The following GTPBP4 variants were observed in gnomAD, a reference collection of about 807,000 sequenced individuals.
The protein encoded by GTPBP4 is GTP binding protein 4, also known as GTP-binding protein 4.
Under a neutral mutation model 81.7 loss-of-function variants are expected in GTPBP4, and 15 were observed. The ratio of observed to expected loss-of-function variants is 0.18; its 90% CI spans 0.12 to 0.28. The LOEUF (loss-of-function observed/expected upper bound fraction) is 0.28, where lower values mean the gene tolerates loss of function less well. Among genes scored for constraint, GTPBP4 ranks in the 10% least tolerant of loss-of-function variants. GTPBP4 has a pLI of 1.00. For missense variants in GTPBP4, 847 were observed against 793.8 expected, an observed-to-expected ratio of 1.07 and a Z score of -0.81; for synonymous variants, 272 against 274.6, an observed-to-expected ratio of 0.99 and a Z score of 0.09.
At position 1,012,519 on chromosome 10, in the gene GTPBP4, G is replaced by A; in HGVS notation, c.1399G>A (p.Asp467Asn). 1 of 1,613,396 alleles carries A rather than the reference G, an allele frequency of 6.2e-7. No individual in the cohort carries two copies. The highest frequency in any genetic ancestry group is 8.5e-7 in the Non-Finnish European group (1 of 1,179,368). Reference sequence around the variant, plus strand: ...GCTGAGAACAGCTGCTGGAGAGTATGACAGTGTATCTGAGAGTGAAGACGA... The same window carrying A: ...GCTGAGAACAGCTGCTGGAGAGTATAACAGTGTATCTGAGAGTGAAGACGA... ...EELRTAAGEYDSVSESEDEEM... is the reference protein window; with the variant it reads ...EELRTAAGEYNSVSESEDEEM... Residue 467 changes from aspartate (D) to asparagine (N), a missense_variant, in exon 14 of 17, where the codon GAC (aspartate) becomes AAC (asparagine). Asp to Asn is a conservative substitution (Grantham distance 23). Transcript: ENST00000360803.
chr10:1,011,086 G>C (rs11253570), intron 13 of GTPBP4, among the ~76,000 whole-genome samples: 64 of 74,022 alleles, frequency 8.6e-4, no homozygotes, highest in East Asian at 1.5e-3. Flanking sequence ...CATCCTGACT[G>C]TGCCTCCTGC....
Position 1,019,507 on chromosome 10 carries a change from T to TC in GTPBP4, c.*2283dup, listed in dbSNP as rs762608638. On this transcript the variant is annotated 3_prime_UTR_variant, in exon 17 of 17. Coordinates refer to ENST00000360803, the MANE Select transcript of GTPBP4 (RefSeq NM_012341.3). ...GGCATTACACATGGCTGACTCGACC[T>TC]CCCTGCCTCTCACACTCTGTGTATT... 1.9e-5 allele frequency: 30 copies of TC among 1,605,358 alleles called. No homozygotes were observed. In the East Asian group the frequency reaches 6.7e-4, roughly 36 times the overall value.
At chr10:998,110 T>C (rs994254914) in intron 5 of GTPBP4, among the ~76,000 whole-genome samples, 2 of 152,164 alleles carry the variant, frequency 1.3e-5, no homozygotes, top group African/African-American at 4.8e-5. Context: ...TTGAAACTTT[T>C]TCTTTTTGAG....
intron 4 of GTPBP4, 67 bp downstream of exon 4, chr10:996,309 C>G: frequency 1.5e-6 from 2 of 1,371,532 alleles, no homozygotes; most frequent in South Asian, 2.8e-5. Context: ...TTGTTGAGGA[C>G]TTGAGATGTC....
rs1831615614 is a variant in GTPBP4 at position 1,000,799 on chromosome 10, G to A, written c.777G>A (p.Glu259=). 6.2e-7 allele frequency: 1 copy of A among 1,611,600 alleles called. No individual in the cohort carries two copies. The change falls in exon 7 of 17, where the codon GAG becomes GAA. Residue 259 remains glutamate, a synonymous_variant. Transcript: ENST00000360803. ...TCCTGTATGTGATGGATTTGTCTGA[G>A]CAGTGTGGGCATGGGCTGAGGGAGC... ...AAVLYVMDLS[E]QCGHGLREQL...
intron 6 of GTPBP4, among the ~76,000 whole-genome samples, 184 bp downstream of exon 6, chr10:999,279 C>T (rs1041589917): frequency 1.3e-5 from 2 of 152,056 alleles, no homozygotes; most frequent in African/African-American, 4.8e-5. Flanking sequence ...CCACCACGAC[C>T]GGCCAATTTT....
chr10:992,918 T>G (rs1164897645), intron 2 of GTPBP4, among the ~76,000 whole-genome samples: 1 of 152,208 alleles, frequency 6.6e-6, no homozygotes, highest in Non-Finnish European at 1.5e-5. Flanking sequence ...TTCTCAGGCT[T>G]TCTGTGTAAA....
At position 1,019,923 on chromosome 10, in the gene GTPBP4, C is replaced by T. The variant is rs1832062014; in HGVS notation, c.*2696C>T. 1 of 1,026,304 alleles carries T rather than the reference C, an allele frequency of 9.7e-7. No homozygotes were observed. Among genetic ancestry groups the T allele is most frequent in the African/African-American group, 1.6e-5 (1 of 61,532 alleles). 63.6% of individuals were successfully genotyped at this position (1,026,304 alleles called of 1,614,324 possible). A position where few individuals can be genotyped will look rare whatever the true frequency, so the allele number is the denominator to read the frequency against. Reference sequence around the variant, plus strand: ...TAGAGAAAATAAACACATTTGTTTTCCTCAGAAAATGAACACTTTCTTTGG... The same window carrying T: ...TAGAGAAAATAAACACATTTGTTTTTCTCAGAAAATGAACACTTTCTTTGG... On this transcript the variant is annotated 3_prime_UTR_variant, in exon 17 of 17. Transcript: ENST00000360803.
chr10:1,000,536 C>A, intron 6 of GTPBP4, 141 bp from the exon 7 acceptor site: 1 of 458,686 alleles, frequency 2.2e-6, no homozygotes, highest in Non-Finnish European at 3.8e-6. Flanking sequence ...CGCACCCAGC[C>A]CTACTTTTTT....
intron 1 of GTPBP4, 163 bp downstream of exon 1, chr10:988,690 C>T (rs540514442): frequency 4.9e-6 from 3 of 618,178 alleles, no homozygotes; most frequent in East Asian, 2.8e-5. Context: ...CATTTCCCCT[C>T]CCCCAGCAGA....
chr10:1,008,343 T>G (rs1831787572), intron 10 of GTPBP4: 6 of 369,078 alleles, frequency 1.6e-5, no homozygotes. Flanking sequence ...AGGTGGAGGT[T>G]GCAGTGAGCC....
intron 5 of GTPBP4, among the ~76,000 whole-genome samples, chr10:998,266 A>AT (rs1431078268): frequency 6.6e-6 from 1 of 151,768 alleles, no homozygotes; most frequent in Non-Finnish European, 1.5e-5. Flanking sequence ...CACCTGTTTA[A>AT]TTTTTTTATT....
At chr10:1,008,171 G>T (rs1831782268) in intron 10 of GTPBP4, 1 of 453,740 alleles carries the variant, frequency 2.2e-6, no homozygotes, top group African/African-American at 2.0e-5. Context: ...CCAGCACTCT[G>T]GGAGGCCGAG....
intron 16 of GTPBP4, among the ~76,000 whole-genome samples, chr10:1,016,653 T>C (rs1281101052): frequency 6.6e-6 from 1 of 152,238 alleles, no homozygotes; most frequent in Non-Finnish European, 1.5e-5. Flanking sequence ...AACAGATGTG[T>C]GCTAACCTTC....
intron 6 of GTPBP4, among the ~76,000 whole-genome samples, chr10:1,000,234 A>G (rs1387140745): frequency 1.2e-5 from 1 of 85,502 alleles, no homozygotes; most frequent in Non-Finnish European, 2.3e-5. Context: ...TGGGAGACCT[A>G]CTTTTTTTTT....
At position 1,012,606 on chromosome 10, in the gene GTPBP4, C is replaced by T. The variant is rs1233573180; in HGVS notation, c.1486C>T (p.Leu496=). ...TCGAGAGAAAAAGAAGTTGAAAATTCTGGAGTCCAAAGAAAAGAATACACA... is the reference window on the plus strand; with the variant it reads ...TCGAGAGAAAAAGAAGTTGAAAATTTTGGAGTCCAAAGAAAAGAATACACA... ...QIREKKKLKI[L]ESKEKNTQGP... is the part of the protein sequence containing the mutation. The change falls in exon 14 of 17, where the codon CTG becomes TTG. Residue 496 remains leucine (L), a synonymous_variant. Coordinates refer to ENST00000360803, the MANE Select transcript of GTPBP4 (RefSeq NM_012341.3). The T allele has an allele frequency of 1.2e-6, 2 of 1,614,012 alleles. No homozygotes were observed. Among genetic ancestry groups the T allele is most frequent in the South Asian group, 2.2e-5 (2 of 91,044 alleles).
chr10:1,000,718 T>C lies in GTPBP4; in HGVS notation c.696T>C (p.Asp232=), dbSNP rs201590278. The change falls in exon 7 of 17, where the codon GAT becomes GAC. Residue 232 remains aspartate, a synonymous_variant. Coordinates refer to ENST00000360803, the MANE Select transcript of GTPBP4 (RefSeq NM_012341.3). ...GGATCCTGGACCACCCTCTGGAGGATAGGAACACCATCGAGATGCAGGCCA... is the reference window on the plus strand; with the variant it reads ...GGATCCTGGACCACCCTCTGGAGGACAGGAACACCATCGAGATGCAGGCCA... ...TPGILDHPLE[D]RNTIEMQAIT... The C allele has an allele frequency of 2.1e-5, 33 of 1,570,738 alleles. No individual in the cohort carries two copies. The African/African-American group carries it at 3.9e-4, about 19-fold the overall frequency.
rs546253697 is a variant in GTPBP4, at chr10:1,005,086, C to T, written c.913-732C>T. On this transcript the variant is annotated intron_variant, in intron 8 of 16. Transcript: ENST00000360803. ...GTAGGGAGAACCTCCTCCTGGGTCCCGTTGCATCCCAGCTGTAGGGTGGGT... is the reference window on the plus strand; with the variant it reads ...GTAGGGAGAACCTCCTCCTGGGTCCTGTTGCATCCCAGCTGTAGGGTGGGT... Among the ~76,000 whole-genome samples, 13 of 152,170 alleles carry T rather than the reference C, an allele frequency of 8.5e-5. 1 individual carries two copies. Among genetic ancestry groups the T allele is most frequent in the Non-Finnish European group, 1.5e-4 (10 of 67,990 alleles).
chr10:996,528 C>T (rs113830410), intron 4 of GTPBP4: 10 of 242,648 alleles, frequency 4.1e-5, no homozygotes, highest in Admixed American at 2.1e-4. Flanking sequence ...TAAGGTGGCT[C>T]ATAGTTTATT....
Sources: allele counts gnomAD v4.1 joint callset (sites outside exome capture counted in the v4.1 genomes callset), GRCh38; gene constraint gnomAD v4.1.1; transcripts MANE v1.5; gene names NCBI Gene and HGNC (gene_info 2026-07-23, HGNC 2026-07-21).